GNA14: variants seen among roughly 807,000 people sequenced by gnomAD.
The protein encoded by GNA14 is guanine nucleotide-binding protein subunit alpha-14.
GNA14 carries 50 observed loss-of-function variants against 42.0 expected under a neutral mutation model. That is an observed-to-expected ratio of 1.19 (90% CI 0.95 to 1.51). GNA14 has a LOEUF of 1.51. Among genes scored for constraint, GNA14 ranks in the 40% most tolerant of loss-of-function variants. GNA14 has a pLI of 0.00. For synonymous variants in GNA14, 173 were observed against 163.1 expected, an observed-to-expected ratio of 1.06 and a Z score of -0.46; for missense variants, 473 against 446.2, an observed-to-expected ratio of 1.06 and a Z score of -0.54.
At chr9:77,573,412 G>C (rs1233066204) in intron 1 of GNA14, among the ~76,000 whole-genome samples, 1 of 151,874 alleles carries the variant, frequency 6.6e-6, no homozygotes, top group Non-Finnish European at 1.5e-5. Flanking sequence ...CTGCACCACT[G>C]CACTCCAGCC....
chr9:77,497,088 C>T (rs899840917), intron 2 of GNA14, among the ~76,000 whole-genome samples: 1 of 152,098 alleles, frequency 6.6e-6, no homozygotes, highest in African/African-American at 2.4e-5. Context: ...CTTCTCACTC[C>T]CCTCCACGGC....
chr9:77,615,924 G>A (rs1823807145), intron 1 of GNA14, among the ~76,000 whole-genome samples: 1 of 151,736 alleles, frequency 6.6e-6, no homozygotes, highest in African/African-American at 2.4e-5. Flanking sequence ...GAAAGAGCAA[G>A]ATTTTTGTTG....
chr9:77,444,432 C>T (rs898686205), intron 2 of GNA14, among the ~76,000 whole-genome samples: 3 of 152,208 alleles, frequency 2.0e-5, no homozygotes, highest in Non-Finnish European at 4.4e-5. Flanking sequence ...CCAGCTTCTT[C>T]CACAAGTTAC....
chr9:77,438,533 G>T (rs926023584), intron 2 of GNA14, among the ~76,000 whole-genome samples: 1 of 151,894 alleles, frequency 6.6e-6, no homozygotes, highest in African/African-American at 2.4e-5. Flanking sequence ...CTCCCAAAGT[G>T]CTGGGATTAC....
intron 1 of GNA14, chr9:77,580,451 A>G: frequency 3.1e-6 from 1 of 321,962 alleles, no homozygotes; most frequent in Non-Finnish European, 6.5e-6. Context: ...ACAGCATCAC[A>G]GGCACAGGAC....
intron 1 of GNA14, among the ~76,000 whole-genome samples, chr9:77,538,351 G>A (rs2131774660): frequency 6.6e-6 from 1 of 152,250 alleles, no homozygotes; most frequent in African/African-American, 2.4e-5. Context: ...TGGGATTACA[G>A]GTGTGAGGCA....
At chr9:77,465,531 C>T (rs747937227) in intron 2 of GNA14, among the ~76,000 whole-genome samples, 4 of 151,384 alleles carry the variant, frequency 2.6e-5, no homozygotes, top group Non-Finnish European at 4.4e-5. Context: ...AGAATTGCTG[C>T]GTAATTCTAT....
At chr9:77,488,731 A>G (rs1836701856) in intron 2 of GNA14, among the ~76,000 whole-genome samples, 1 of 150,834 alleles carries the variant, frequency 6.6e-6, no homozygotes, top group African/African-American at 2.4e-5. Flanking sequence ...TAGTGTGAGG[A>G]AAAATAAAAT....
intron 2 of GNA14, among the ~76,000 whole-genome samples, chr9:77,472,816 C>G (rs956307680): frequency 1.3e-5 from 2 of 151,524 alleles, no homozygotes; most frequent in Non-Finnish European, 2.9e-5. Context: ...CTCTCTCTCT[C>G]TCCTCCAAGC....
At chr9:77,542,435 G>C (rs1231133248) in intron 1 of GNA14, among the ~76,000 whole-genome samples, 1 of 152,162 alleles carries the variant, frequency 6.6e-6, no homozygotes, top group Non-Finnish European at 1.5e-5. Context: ...GCAGTGAGCT[G>C]AACATGCCTG....
At chr9:77,558,291 TAGATAGAC>T (rs1024530977) in intron 1 of GNA14, among the ~76,000 whole-genome samples, 10 of 151,968 alleles carry the variant, frequency 6.6e-5, no homozygotes, top group Non-Finnish European at 1.2e-4. Context: ...ATCAGATAGA[TAGATAGAC>T]AGACAGACAG....
chr9:77,519,977 C>T (rs567433726), intron 2 of GNA14, among the ~76,000 whole-genome samples: 1 of 152,126 alleles, frequency 6.6e-6, no homozygotes, highest in African/African-American at 2.4e-5. Context: ...CCACTATGCT[C>T]CAGCCTGGGC....
Position 77,644,437 on chromosome 9 carries a change from C to CAAAAAA in GNA14, c.124+3227_124+3232dup, listed in dbSNP as rs764737417. Among the ~76,000 whole-genome samples, 37 of 34,024 alleles carry CAAAAAA rather than the reference C, an allele frequency of 1.1e-3. 5 individuals carry two copies. The highest frequency in any genetic ancestry group is 3.5e-3 in the African/African-American group (30 of 8,582). 22.3% of individuals were successfully genotyped at this position (34,024 alleles called of 152,430 possible). On this transcript the variant is annotated intron_variant, in intron 1 of 6. Transcript: ENST00000341700. ...TACTGAACTCCAACCTAAAGAGTGTCAAAAAAAAAAAAAAAAAAAAAAAAA... is the reference window on the plus strand; with the variant it reads ...TACTGAACTCCAACCTAAAGAGTGTCAAAAAAAAAAAAAAAAAAAAAAAAAAAAAAA...
Position 77,635,954 on chromosome 9 carries a change from T to C in GNA14, c.124+11716A>G, listed in dbSNP as rs2378029. ...AAAATTTTCCATCAGTTGTATTTCA[T>C]AAATGTATCAGTCTTCAATAAAAAT... On this transcript the variant is annotated intron_variant, in intron 1 of 6. Coordinates refer to ENST00000341700, the MANE Select transcript of GNA14 (RefSeq NM_004297.4). Among the ~76,000 whole-genome samples the C allele has an allele frequency of 1.6e-4, 24 of 152,154 alleles. 1 individual carries two copies. Among genetic ancestry groups the C allele is most frequent in the Admixed American group, 1.4e-3 (21 of 15,294 alleles).
intron 1 of GNA14, among the ~76,000 whole-genome samples, chr9:77,601,655 A>T (rs928859739): frequency 5.9e-5 from 9 of 152,198 alleles, no homozygotes; most frequent in African/African-American, 2.2e-4. Context: ...ATAATTTCCT[A>T]ATTAGTCATT....
intron 2 of GNA14, among the ~76,000 whole-genome samples, chr9:77,489,542 A>G (rs1836722619): frequency 6.6e-6 from 1 of 152,242 alleles, no homozygotes; most frequent in Admixed American, 6.5e-5. Context: ...ACTGACTTCA[A>G]GAATGAAGCC....
chr9:77,433,517 G>A (rs1182479057), intron 3 of GNA14, among the ~76,000 whole-genome samples: 2 of 151,936 alleles, frequency 1.3e-5, no homozygotes, highest in Non-Finnish European at 2.9e-5. Context: ...CTCCCGAGCA[G>A]CTGCCCAGCT....
intron 2 of GNA14, among the ~76,000 whole-genome samples, chr9:77,475,907 T>C (rs1212538460): frequency 6.6e-6 from 1 of 152,136 alleles, no homozygotes; most frequent in Non-Finnish European, 1.5e-5. Context: ...GATGCAGGCA[T>C]GGTGGGCATA....
chr9:77,482,076 A>G (rs1043785121), intron 2 of GNA14, among the ~76,000 whole-genome samples: 3 of 152,114 alleles, frequency 2.0e-5, no homozygotes, highest in African/African-American at 7.2e-5. Context: ...TTATGTGTGA[A>G]TTTGGTCCTG....
Sources: allele counts gnomAD v4.1 joint callset (sites outside exome capture counted in the v4.1 genomes callset), GRCh38; gene constraint gnomAD v4.1.1; transcripts MANE v1.5; gene names NCBI Gene and HGNC (gene_info 2026-07-23, HGNC 2026-07-21).